The following YWHAE variants were observed in gnomAD, a reference collection of about 807,000 sequenced individuals.
YWHAE encodes the protein tyrosine 3-monooxygenase/tryptophan 5-monooxygenase activation protein epsilon.
In YWHAE, 4 loss-of-function variants were observed where a neutral mutation model predicts 30.1. The ratio of observed to expected loss-of-function variants is 0.13; its 90% CI spans 0.07 to 0.30. The LOEUF is 0.30. Ranked by LOEUF, YWHAE falls within the 10% of genes least tolerant of loss-of-function variation. The pLI is 1.00. For missense variants in YWHAE, 121 were observed against 315.9 expected, an observed-to-expected ratio of 0.38 and a Z score of 4.68; for synonymous variants, 118 against 111.8, an observed-to-expected ratio of 1.06 and a Z score of -0.35.
intron 1 of YWHAE, among the ~76,000 whole-genome samples, chr17:1,373,419 G>A (rs555918145): frequency 6.6e-5 from 10 of 151,384 alleles, no homozygotes; most frequent in East Asian, 5.9e-4. Context: ...TAATCCCAGC[G>A]CTTTGGGAGG....
chr17:1,351,882 G>C (rs1009942828), intron 5 of YWHAE, among the ~76,000 whole-genome samples: 2 of 152,036 alleles, frequency 1.3e-5, no homozygotes, highest in Admixed American at 1.3e-4. Context: ...CCACCTCCTG[G>C]GTTCAAGCAA....
intron 1 of YWHAE, among the ~76,000 whole-genome samples, chr17:1,385,255 C>T (rs1228665246): frequency 6.6e-6 from 1 of 151,538 alleles, no homozygotes; most frequent in Non-Finnish European, 1.5e-5. Context: ...AAGATAAAGG[C>T]ATTAAGACCA....
At chr17:1,358,128 C>G (rs1411595613) in intron 4 of YWHAE, among the ~76,000 whole-genome samples, 1 of 152,012 alleles carries the variant, frequency 6.6e-6, no homozygotes, top group Non-Finnish European at 1.5e-5. Flanking sequence ...GTGGCTCAGG[C>G]CTGTATTCTC....
At chr17:1,348,643 C>G (rs1441328828) in intron 5 of YWHAE, among the ~76,000 whole-genome samples, 1 of 152,182 alleles carries the variant, frequency 6.6e-6, no homozygotes, top group African/African-American at 2.4e-5. Flanking sequence ...TGGTGTCAAA[C>G]TCCTGGGCTC....
At position 1,362,096 on chromosome 17, in the gene YWHAE, G is replaced by C. The variant is rs1217126187; in HGVS notation, c.265-88C>G. 1.1e-4 allele frequency: 82 copies of C among 759,678 alleles called. No homozygotes were observed. The East Asian group carries it at 2.3e-3, about 22-fold the overall frequency. The allele number at this position is 759,678 out of a possible 1,614,324, so 47.1% of individuals were successfully genotyped here. A position where few individuals can be genotyped will look rare whatever the true frequency, so the allele number is the denominator to read the frequency against. ...ATTCTATCTCTGGTTTTGAGGTAGAGAGCTTAGTATTAAAAAGAATTTGTA... is the reference window on the plus strand; with the variant it reads ...ATTCTATCTCTGGTTTTGAGGTAGACAGCTTAGTATTAAAAAGAATTTGTA... On this transcript the variant is annotated intron_variant, in intron 2 of 5. Coordinates refer to ENST00000264335, the MANE Select transcript of YWHAE (RefSeq NM_006761.5).
At chr17:1,391,321 T>C (rs2073386998) in intron 1 of YWHAE, among the ~76,000 whole-genome samples, 1 of 152,158 alleles carries the variant, frequency 6.6e-6, no homozygotes, top group Non-Finnish European at 1.5e-5. Flanking sequence ...CCTAGAGACG[T>C]AGATCTAAGC....
intron 1 of YWHAE, among the ~76,000 whole-genome samples, chr17:1,381,555 G>A (rs889139593): frequency 1.3e-5 from 2 of 151,872 alleles, no homozygotes. Context: ...AACACGAAAG[G>A]CTCAAGAATG....
chr17:1,376,818 AG>A (rs1455373534), intron 1 of YWHAE, among the ~76,000 whole-genome samples: 1 of 152,202 alleles, frequency 6.6e-6, no homozygotes, highest in African/African-American at 2.4e-5. Context: ...ATTCAGGGTC[AG>A]GAAAAAAGCA....
chr17:1,345,307 A>AAAC lies in YWHAE; in HGVS notation c.*139_*140insGTT. On this transcript the variant is annotated 3_prime_UTR_variant, in exon 6 of 6. Transcript: ENST00000264335. Reference sequence around the variant, plus strand: ...AACTGTTTAAAAAAAAAAAAAAAAAACCAACAGGGCAGGAACCTAAATTCT... The same window carrying AAAC: ...AACTGTTTAAAAAAAAAAAAAAAAAAAACCCAACAGGGCAGGAACCTAAATTCT... 1 of 791,358 alleles carries AAAC rather than the reference A, an allele frequency of 1.3e-6. No homozygotes were observed. The highest frequency in any genetic ancestry group is 2.0e-6 in the Non-Finnish European group (1 of 501,718). 49.0% of individuals were successfully genotyped at this position (791,358 alleles called of 1,614,324 possible).
chr17:1,381,594 C>T (rs930047176), intron 1 of YWHAE, among the ~76,000 whole-genome samples: 1 of 151,924 alleles, frequency 6.6e-6, no homozygotes, highest in African/African-American at 2.4e-5. Context: ...GAATTTCAAA[C>T]TATCAACTAA....
chr17:1,355,752 A>C (rs923263071), intron 4 of YWHAE, among the ~76,000 whole-genome samples: 4 of 152,198 alleles, frequency 2.6e-5, no homozygotes, highest in Non-Finnish European at 4.4e-5. Context: ...TACAAGGAGG[A>C]GGCTGGCTGT....
At chr17:1,394,460 A>AC (rs1407620368) in intron 1 of YWHAE, among the ~76,000 whole-genome samples, 11 of 137,628 alleles carry the variant, frequency 8.0e-5, no homozygotes, top group African/African-American at 3.1e-4. Flanking sequence ...AAAAAAAAAA[A>AC]ACACAAAAAT....
intron 1 of YWHAE, among the ~76,000 whole-genome samples, chr17:1,367,609 A>G (rs1352944211): frequency 6.6e-6 from 1 of 152,190 alleles, no homozygotes; most frequent in Non-Finnish European, 1.5e-5. Flanking sequence ...GTATAATCCT[A>G]ACGCTGTACT....
intron 4 of YWHAE, among the ~76,000 whole-genome samples, chr17:1,357,402 C>CAAAA (rs1195729330): frequency 2.2e-4 from 18 of 80,242 alleles, no homozygotes; most frequent in South Asian, 1.3e-3. Flanking sequence ...GACTCCGTCT[C>CAAAA]AAAAAAAAAA....
At chr17:1,383,269 GATCCTGGGAGGAC>G in intron 1 of YWHAE, among the ~76,000 whole-genome samples, 1 of 152,054 alleles carries the variant, frequency 6.6e-6, no homozygotes, top group South Asian at 2.1e-4. Context: ...AGAATTGCTT[GATCCTGGGAGGAC>G]GAGGTTTCCG....
chr17:1,349,145 A>G (rs759694678), intron 5 of YWHAE, among the ~76,000 whole-genome samples: 1 of 152,048 alleles, frequency 6.6e-6, no homozygotes, highest in Non-Finnish European at 1.5e-5. Context: ...GATTGAGACC[A>G]TCCGGGCTAA....
chr17:1,370,619 C>T (rs958865490), intron 1 of YWHAE, among the ~76,000 whole-genome samples: 9 of 152,044 alleles, frequency 5.9e-5, no homozygotes, highest in Admixed American at 1.3e-4. Context: ...TTAGTAGAGA[C>T]GGGGTTTCAG....
intron 1 of YWHAE, chr17:1,399,790 C>G: frequency 3.9e-6 from 1 of 256,570 alleles, no homozygotes; most frequent in Non-Finnish European, 7.6e-6. Flanking sequence ...CGCCATTTTA[C>G]AACCAACTCC....
At position 1,344,726 on chromosome 17, in the gene YWHAE, AG is replaced by A. The variant is rs975477395; in HGVS notation, c.*720del. ...GCGAAGGAGGGGAGGAGTGAGGGGA[AG>A]GAGGTAGGGGGAGGGGGAAGGAGAA... On this transcript the variant is annotated 3_prime_UTR_variant, in exon 6 of 6. Coordinates refer to ENST00000264335, the MANE Select transcript of YWHAE (RefSeq NM_006761.5). 1 of 219,448 alleles carries A rather than the reference AG, an allele frequency of 4.6e-6. No homozygotes were observed. The highest frequency in any genetic ancestry group is 2.3e-5 in the African/African-American group (1 of 44,282). 13.6% of individuals were successfully genotyped at this position (219,448 alleles called of 1,614,324 possible).
Sources: allele counts gnomAD v4.1 joint callset (sites outside exome capture counted in the v4.1 genomes callset), GRCh38; gene constraint gnomAD v4.1.1; transcripts MANE v1.5; gene names NCBI Gene and HGNC (gene_info 2026-07-23, HGNC 2026-07-21).